NLRP14: variants seen among roughly 807,000 people sequenced by gnomAD.
The protein encoded by NLRP14 is NACHT, LRR and PYD domains-containing protein 14.
NLRP14 carries 105 observed loss-of-function variants against 94.7 expected under a neutral mutation model. That is an observed-to-expected ratio of 1.11 (90% CI 0.95 to 1.30). The LOEUF is 1.30. NLRP14 is among the 50% of genes most tolerant of loss of function. NLRP14 has a pLI of 0.00. For synonymous variants in NLRP14, 508 were observed against 459.9 expected (o/e 1.10, Z -1.34); for missense variants, 1,362 against 1,254.1 (o/e 1.09, Z -1.30).
intron 10 of NLRP14, among the ~76,000 whole-genome samples, chr11:7,069,103 CTGTCTTCTATATT>C (rs1208279192): frequency 2.0e-5 from 3 of 152,164 alleles, no homozygotes; most frequent in Non-Finnish European, 4.4e-5. Flanking sequence ...CTGTTCGTTT[CTGTCTTCTATATT>C]TTGAGACTAT....
At chr11:7,070,689 C>T (rs1392387605) in intron 11 of NLRP14, among the ~76,000 whole-genome samples, 2 of 152,114 alleles carry the variant, frequency 1.3e-5, no homozygotes, top group Admixed American at 6.6e-5. Flanking sequence ...CTGACCCTAC[C>T]ACTTACTAAA....
At chr11:7,047,139 G>C (rs1852367338) in intron 5 of NLRP14, among the ~76,000 whole-genome samples, 1 of 151,992 alleles carries the variant, frequency 6.6e-6, no homozygotes, top group Non-Finnish European at 1.5e-5. Context: ...GACATGTTCT[G>C]GAACTTACTA....
intron 8 of NLRP14, among the ~76,000 whole-genome samples, chr11:7,058,888 A>G (rs1204546582): frequency 2.0e-5 from 3 of 151,964 alleles, no homozygotes; most frequent in Non-Finnish European, 4.4e-5. Context: ...TTTTTGTTAG[A>G]TAATTTTCTA....
At chr11:7,048,772 A>G (rs761829990) in intron 5 of NLRP14, among the ~76,000 whole-genome samples, 17 of 152,278 alleles carry the variant, frequency 1.1e-4, no homozygotes, top group Non-Finnish European at 1.8e-4. Flanking sequence ...TTCTTGGTTA[A>G]CTGACTTCCT....
chr11:7,075,428 C>A (rs771361875), downstream of NLRP14, among the ~76,000 whole-genome samples: 2 of 151,918 alleles, frequency 1.3e-5, no homozygotes, highest in Non-Finnish European at 2.9e-5. Flanking sequence ...GCAGAAAAAC[C>A]AATTATCTCA....
At chr11:7,024,184 C>T (rs1851983531) in intron 1 of NLRP14, among the ~76,000 whole-genome samples, 1 of 152,144 alleles carries the variant, frequency 6.6e-6, no homozygotes, top group Admixed American at 6.5e-5. Context: ...TTCATTGTAA[C>T]TCTCAAATGG....
At position 7,058,428 on chromosome 11, in the gene NLRP14, C is replaced by G; in HGVS notation, c.2611C>G (p.Gln871Glu). Residue 871 changes from glutamine to glutamate, a missense_variant, in exon 8 of 12, where the codon CAA becomes GAA. Coordinates refer to ENST00000299481, the MANE Select transcript of NLRP14 (RefSeq NM_176822.4). ...KLMSDALQHAQCTLKSLVLRR... is the reference protein window; with the variant it reads ...KLMSDALQHAECTLKSLVLRR... ...TATGAGTGATGCCCTGCAACATGCA[C>G]AATGTACTCTGAAGAGCCTTGTGTA... The G allele has an allele frequency of 6.2e-7, 1 of 1,612,168 alleles. No individual in the cohort carries two copies.
chr11:7,089,133 G>T, the NLRP14 span: 1 of 1,613,854 alleles, frequency 6.2e-7, no homozygotes, highest in South Asian at 1.1e-5. Flanking sequence ...GGTTGAAGCG[G>T]ATCGCCCGGG....
intron 1 of NLRP14, among the ~76,000 whole-genome samples, chr11:7,030,432 T>C (rs1852073652): frequency 6.6e-6 from 1 of 152,238 alleles, no homozygotes; most frequent in African/African-American, 2.4e-5. Context: ...CTCCCAGATA[T>C]CTGCATTGTT....
the NLRP14 span, among the ~76,000 whole-genome samples, chr11:7,077,728 T>A: frequency 6.6e-6 from 1 of 152,190 alleles, no homozygotes; most frequent in Non-Finnish European, 1.5e-5. Context: ...AAACTCCTCT[T>A]TTTAAAACCA....
intron 1 of NLRP14, among the ~76,000 whole-genome samples, chr11:7,030,431 A>G (rs1852073605): frequency 6.6e-6 from 1 of 152,208 alleles, no homozygotes; most frequent in South Asian, 2.1e-4. Context: ...TCTCCCAGAT[A>G]TCTGCATTGT....
chr11:7,040,713 A>G (rs1340379464), intron 3 of NLRP14, among the ~76,000 whole-genome samples: 1 of 152,224 alleles, frequency 6.6e-6, no homozygotes, highest in Admixed American at 6.5e-5. Context: ...AACAAGCCAC[A>G]TTATTTCATT....
chr11:7,048,511 T>C (rs543888366), intron 5 of NLRP14, among the ~76,000 whole-genome samples: 1 of 152,284 alleles, frequency 6.6e-6, no homozygotes, highest in Admixed American at 6.5e-5. Flanking sequence ...AGATGTTCTT[T>C]TGGGTGGGGG....
At chr11:7,062,653 G>A in intron 10 of NLRP14, 150 bp downstream of exon 10, 3 of 743,106 alleles carry the variant, frequency 4.0e-6, no homozygotes, top group Admixed American at 4.1e-5. Flanking sequence ...TCAAATAAAT[G>A]GATCAATGTA....
chr11:7,028,750 C>A (rs1317715153), intron 1 of NLRP14, among the ~76,000 whole-genome samples: 1 of 152,088 alleles, frequency 6.6e-6, no homozygotes, highest in Non-Finnish European at 1.5e-5. Context: ...CTTCAACTTG[C>A]CATTCTTGTT....
At chr11:7,090,599 A>G in the NLRP14 span, 1 of 431,242 alleles carries the variant, frequency 2.3e-6, no homozygotes, top group Non-Finnish European at 4.4e-6. Context: ...CTTCCCTTGT[A>G]AATTTTCTTG....
intron 3 of NLRP14, 115 bp downstream of exon 3, chr11:7,039,900 A>G (rs556972448): frequency 1.9e-5 from 16 of 837,142 alleles, no homozygotes; most frequent in Non-Finnish European, 3.1e-5. Context: ...CTAATACCCC[A>G]CCTGTTCCCT....
chr11:7,080,013 G>C, the NLRP14 span, among the ~76,000 whole-genome samples: 409 of 152,282 alleles, frequency 2.7e-3, 1 homozygote, highest in Non-Finnish European at 4.5e-3. Flanking sequence ...AAGGACTGGC[G>C]GGAAGGTTGT....
At chr11:7,053,538 A>G (rs1852473822) in intron 6 of NLRP14, among the ~76,000 whole-genome samples, 1 of 150,986 alleles carries the variant, frequency 6.6e-6, no homozygotes, top group Non-Finnish European at 1.5e-5. Flanking sequence ...TAGGATACTT[A>G]GGAAATTATT....
Sources: gnomAD v4.1 joint callset for allele counts (sites outside exome capture counted in the v4.1 genomes callset) on GRCh38, gnomAD v4.1.1 for gene constraint, MANE v1.5 for transcripts, NCBI Gene and HGNC (gene_info 2026-07-23, HGNC 2026-07-21) for gene names.